The following LRRC37A2 variants were observed in gnomAD, a reference collection of about 807,000 sequenced individuals.
The protein encoded by LRRC37A2 is leucine rich repeat containing 37 member A2, also known as leucine-rich repeat-containing protein 37A2.
In LRRC37A2, 9 loss-of-function variants were observed where a neutral mutation model predicts 68.8. The observed-to-expected ratio is 0.13, with a 90% confidence interval of 0.08 to 0.23. The LOEUF (loss-of-function observed/expected upper bound fraction) is 0.23, where lower values mean the gene tolerates loss of function less well. LRRC37A2 is among the 10% of genes least tolerant of loss of function. The pLI is 1.00. For synonymous variants in LRRC37A2, 63 were observed against 367.6 expected (o/e 0.17, Z 9.48); for missense variants, 168 against 950.4 (o/e 0.18, Z 10.82).
chr17:46,772,567 G>A, the LRRC37A2 span, among the ~76,000 whole-genome samples: 1 of 152,248 alleles, frequency 6.6e-6, no homozygotes, highest in East Asian at 1.9e-4. Context: ...CCAATTAAGA[G>A]GCCAAATCTT....
At chr17:46,730,559 T>G in the LRRC37A2 span, among the ~76,000 whole-genome samples, 1 of 152,188 alleles carries the variant, frequency 6.6e-6, no homozygotes, top group Non-Finnish European at 1.5e-5. Context: ...GTTGTAAAAC[T>G]TATTGTAAGA....
At chr17:47,001,287 C>T in the LRRC37A2 span, among the ~76,000 whole-genome samples, 1 of 152,138 alleles carries the variant, frequency 6.6e-6, no homozygotes, top group South Asian at 2.1e-4. Flanking sequence ...ACGCCCACTT[C>T]CTGTACCTGA....
chr17:47,000,014 A>ATAAAATAAAATAAAAT, the LRRC37A2 span, among the ~76,000 whole-genome samples: 1 of 16,908 alleles, frequency 5.9e-5, no homozygotes, highest in African/African-American at 1.0e-4. Context: ...AAAATAAAAT[A>ATAAAATAAAATAAAAT]AAATAAAATA....
the LRRC37A2 span, among the ~76,000 whole-genome samples, chr17:46,503,224 AAAT>A: frequency 7.6e-6 from 1 of 131,568 alleles, no homozygotes. Flanking sequence ...AAAAAAAAAA[AAAT>A]AGTCTTCATT....
the LRRC37A2 span, among the ~76,000 whole-genome samples, chr17:46,958,635 G>T: frequency 6.6e-6 from 1 of 152,180 alleles, no homozygotes; most frequent in African/African-American, 2.4e-5. Context: ...TCAGGGGAGG[G>T]GGCCATCAGG....
At chr17:46,794,746 CTT>C in the LRRC37A2 span, among the ~76,000 whole-genome samples, 44 of 133,580 alleles carry the variant, frequency 3.3e-4, no homozygotes, top group African/African-American at 1.3e-3. Flanking sequence ...TTCTTTCTTT[CTT>C]TTTCTTTTTT....
chr17:46,936,233 A>G, the LRRC37A2 span: 2 of 985,226 alleles, frequency 2.0e-6, no homozygotes, highest in South Asian at 9.4e-5. Context: ...TCTTTAGAAA[A>G]CTGCTACTCT....
chr17:46,881,169 C>A, the LRRC37A2 span, among the ~76,000 whole-genome samples: 1 of 152,224 alleles, frequency 6.6e-6, no homozygotes, highest in African/African-American at 2.4e-5. Flanking sequence ...TGGCTCAGGC[C>A]TGCCCTGCCC....
chr17:46,548,475 C>T lies in LRRC37A2; in HGVS notation c.3336C>T (p.Asp1112=), dbSNP rs764469385. The change falls in exon 10 of 15, where the codon GAC becomes GAT. Residue 1112 remains aspartate, a synonymous_variant. Transcript: ENST00000576629. Reference sequence around the variant, plus strand: ...GGAGTGAGCAGCTAGACACCAATGACGAGAGTGATTTTATCAGTACACTAA... The same window carrying T: ...GGAGTGAGCAGCTAGACACCAATGATGAGAGTGATTTTATCAGTACACTAA... 120 of 1,141,554 alleles carry T rather than the reference C, an allele frequency of 1.1e-4. 3 individuals are homozygous for T. In the South Asian group the frequency reaches 1.4e-3, roughly 13 times the overall value. The allele number at this position is 1,141,554 out of a possible 1,614,324, so 70.7% of individuals were successfully genotyped here.
At chr17:46,920,112 C>T in the LRRC37A2 span, among the ~76,000 whole-genome samples, 2 of 152,210 alleles carry the variant, frequency 1.3e-5, no homozygotes, top group African/African-American at 4.8e-5. Flanking sequence ...AAATGCCCTC[C>T]TCTTCATCTC....
At chr17:47,000,077 AAAATAAAATAAAATAAAAT>A in the LRRC37A2 span, among the ~76,000 whole-genome samples, 1 of 5,118 alleles carries the variant, frequency 2.0e-4, no homozygotes, top group African/African-American at 3.3e-4. Flanking sequence ...AATAAAATAA[AAAATAAAATAAAATAAAAT>A]AAAATAAAAT....
At chr17:46,981,442 T>C in the LRRC37A2 span, among the ~76,000 whole-genome samples, 1 of 152,152 alleles carries the variant, frequency 6.6e-6, no homozygotes, top group African/African-American at 2.4e-5. Context: ...TTCTCTCTCT[T>C]CTCTTTCTGG....
At chr17:46,994,502 T>C in the LRRC37A2 span, among the ~76,000 whole-genome samples, 1 of 152,136 alleles carries the variant, frequency 6.6e-6, no homozygotes, top group South Asian at 2.1e-4. Flanking sequence ...TTCTAGTTCT[T>C]GATCTGGGTG....
the LRRC37A2 span, among the ~76,000 whole-genome samples, chr17:46,857,573 G>A: frequency 6.6e-6 from 1 of 152,060 alleles, no homozygotes; most frequent in African/African-American, 2.4e-5. Context: ...TCTTTTTGTG[G>A]GTGTATGTTT....
chr17:47,034,566 C>T, the LRRC37A2 span, among the ~76,000 whole-genome samples: 1 of 152,006 alleles, frequency 6.6e-6, no homozygotes, highest in Admixed American at 6.5e-5. Context: ...CTACATACTG[C>T]CTTACAGTCA....
At chr17:46,910,619 G>A in the LRRC37A2 span, among the ~76,000 whole-genome samples, 1 of 152,192 alleles carries the variant, frequency 6.6e-6, no homozygotes, top group Non-Finnish European at 1.5e-5. Context: ...GATTATGTGT[G>A]GAAAGTCAAT....
At chr17:46,498,812 T>C in the LRRC37A2 span, among the ~76,000 whole-genome samples, 193 of 149,978 alleles carry the variant, frequency 1.3e-3, 12 homozygotes, top group African/African-American at 4.5e-3. Flanking sequence ...TCTTAAGCTC[T>C]TTAAAATATG....
the LRRC37A2 span, chr17:46,933,631 C>CTTTTTT: frequency 7.4e-5 from 10 of 134,746 alleles, 1 homozygote; most frequent in Admixed American, 3.9e-4. Flanking sequence ...GTGGCATAAC[C>CTTTTTT]TTTTTTTTTT....
At chr17:46,986,722 A>G in the LRRC37A2 span, among the ~76,000 whole-genome samples, 3 of 152,220 alleles carry the variant, frequency 2.0e-5, no homozygotes, top group African/African-American at 7.2e-5. Flanking sequence ...AGTGCTGCTT[A>G]TGGTCAATCA....
Sources: gnomAD v4.1 joint callset for allele counts (sites outside exome capture counted in the v4.1 genomes callset) on GRCh38, gnomAD v4.1.1 for gene constraint, MANE v1.5 for transcripts, NCBI Gene and HGNC (gene_info 2026-07-23, HGNC 2026-07-21) for gene names.